The following CAMTA1 variants were observed in gnomAD, a reference collection of about 807,000 sequenced individuals.
CAMTA1 encodes the protein calmodulin-binding transcription activator 1.
A neutral mutation model predicts 170.9 loss-of-function variants in CAMTA1; 27 were observed. The ratio of observed to expected loss-of-function variants is 0.16; its 90% CI spans 0.12 to 0.22. The LOEUF (loss-of-function observed/expected upper bound fraction) is 0.22. Among genes scored for constraint, CAMTA1 ranks in the 10% least tolerant of loss-of-function variants. The pLI, the probability that CAMTA1 is intolerant of heterozygous loss-of-function variation, is 1.00. For synonymous variants in CAMTA1, 833 were observed against 891.5 expected (o/e 0.93, Z 1.17); for missense variants, 1,619 against 2,217.2 (o/e 0.73, Z 5.42).
chr1:7,552,467 G>A (rs1333550476), intron 6 of CAMTA1, among the ~76,000 whole-genome samples: 2 of 152,228 alleles, frequency 1.3e-5, no homozygotes, highest in Non-Finnish European at 2.9e-5. Flanking sequence ...TTGTGAAACA[G>A]CATTCAGCAG....
At chr1:6,893,226 A>G (rs1245361709) in intron 3 of CAMTA1, among the ~76,000 whole-genome samples, 2 of 151,980 alleles carry the variant, frequency 1.3e-5, no homozygotes, top group African/African-American at 4.8e-5. Context: ...GCGTCATTGC[A>G]CTCCAGCCTG....
chr1:7,061,250 G>A (rs1343703238), intron 3 of CAMTA1, among the ~76,000 whole-genome samples: 4 of 152,240 alleles, frequency 2.6e-5, no homozygotes, highest in African/African-American at 4.8e-5. Context: ...ACTGAGACCC[G>A]GTCCTGCCCG....
At position 7,067,570 on chromosome 1, in the gene CAMTA1, C is replaced by T. The variant is rs1404884713; in HGVS notation, c.235-23734C>T. Among the ~76,000 whole-genome samples the T allele has an allele frequency of 6.6e-6, 1 of 152,152 alleles. No homozygotes were observed. Among genetic ancestry groups the T allele is most frequent in the Non-Finnish European group, 1.5e-5 (1 of 68,034 alleles). On this transcript the variant is annotated intron_variant, in intron 3 of 22. Transcript: ENST00000303635. This position sits in a 1 kb window ranked among gnomAD's most constrained non-coding sequence, Gnocchi z 4.3. Reference sequence around the variant, plus strand: ...TGCATGCTGGGAACCATGTTCCTTGCAAGGCATACGGCAAAGAACAAGGTA... The same window carrying T: ...TGCATGCTGGGAACCATGTTCCTTGTAAGGCATACGGCAAAGAACAAGGTA...
At chr1:7,241,165 T>C (rs1664797522) in intron 4 of CAMTA1, among the ~76,000 whole-genome samples, 1 of 152,162 alleles carries the variant, frequency 6.6e-6, no homozygotes, top group South Asian at 2.1e-4. Context: ...AATCCAAAAA[T>C]AAATTGAGAA....
intron 6 of CAMTA1, among the ~76,000 whole-genome samples, chr1:7,516,105 C>T (rs1478344384): frequency 2.0e-5 from 3 of 152,248 alleles, no homozygotes; most frequent in African/African-American, 7.2e-5. Context: ...ATCAGCAAGC[C>T]TCCCAGCCGG....
chr1:7,756,745 G>C (rs1036640866), intron 22 of CAMTA1, among the ~76,000 whole-genome samples: 18 of 152,136 alleles, frequency 1.2e-4, no homozygotes, highest in Admixed American at 2.6e-4. Flanking sequence ...CTACTCCGGA[G>C]ACTGAGGTGG....
At chr1:7,442,228 A>C (rs17030881) in intron 5 of CAMTA1, among the ~76,000 whole-genome samples, 6,720 of 152,252 alleles carry the variant, frequency 0.044, 410 homozygotes, top group African/African-American at 0.13. Context: ...TGTGATGAGA[A>C]CTACTGTCAT....
chr1:6,966,722 T>TGCCTCA (rs1280114857), intron 3 of CAMTA1, among the ~76,000 whole-genome samples: 1 of 151,084 alleles, frequency 6.6e-6, no homozygotes, highest in Non-Finnish European at 1.5e-5. Flanking sequence ...GCAATTCTCC[T>TGCCTCA]GCCTCAGCCT....
chr1:7,568,837 TCATCATCATCACCA>T (rs1331471179), intron 6 of CAMTA1, among the ~76,000 whole-genome samples: 1 of 146,400 alleles, frequency 6.8e-6, no homozygotes, highest in Non-Finnish European at 1.5e-5. Flanking sequence ...CAAATCACCA[TCATCATCATCACCA>T]CATCATCATC....
rs990749499 is a variant in CAMTA1, at chr1:7,715,072, A to G, written c.2915-17376A>G. On this transcript the variant is annotated intron_variant, in intron 11 of 22. Coordinates refer to ENST00000303635, the MANE Select transcript of CAMTA1 (RefSeq NM_015215.4). Reference sequence around the variant, plus strand: ...CTTGTCTGTAACATCATGAGTCCTGATTTTGCCTGATCTGCTATTAATCAC... The same window carrying G: ...CTTGTCTGTAACATCATGAGTCCTGGTTTTGCCTGATCTGCTATTAATCAC... Among the ~76,000 whole-genome samples the G allele has an allele frequency of 4.6e-5, 7 of 152,018 alleles. No individual in the cohort carries two copies. In the South Asian group the frequency reaches 6.2e-4, roughly 13 times the overall value.
intron 3 of CAMTA1, among the ~76,000 whole-genome samples, chr1:6,841,149 T>G (rs79592510): frequency 0.08 from 12,152 of 152,246 alleles, 730 homozygotes; most frequent in East Asian, 0.26. Context: ...CCTGCTCTCT[T>G]CTCATTCACT....
intron 4 of CAMTA1, among the ~76,000 whole-genome samples, chr1:7,096,284 G>A (rs573010840): frequency 4.6e-5 from 7 of 152,146 alleles, no homozygotes; most frequent in African/African-American, 1.7e-4. Flanking sequence ...CGTCCATTCC[G>A]GCTTCAAATG....
chr1:7,117,105 G>A (rs541730162), intron 4 of CAMTA1, among the ~76,000 whole-genome samples: 1 of 151,944 alleles, frequency 6.6e-6, no homozygotes, highest in Non-Finnish European at 1.5e-5. Context: ...CAAGTAGCTG[G>A]GATTACAGGC....
At chr1:7,221,928 T>TACACACACAC (rs61354001) in intron 4 of CAMTA1, among the ~76,000 whole-genome samples, 37 of 124,276 alleles carry the variant, frequency 3.0e-4, no homozygotes, top group African/African-American at 9.1e-4. Flanking sequence ...CACACACACA[T>TACACACACAC]ACACACACAC....
chr1:7,312,344 T>C (rs11120897), intron 5 of CAMTA1, among the ~76,000 whole-genome samples: 41,428 of 151,910 alleles, frequency 0.27, 5,938 homozygotes, highest in Middle Eastern at 0.44. Context: ...TCTGCTCTCT[T>C]TGAGTGTCCA....
chr1:7,213,655 C>A (rs1207297890), intron 4 of CAMTA1, among the ~76,000 whole-genome samples: 1 of 151,430 alleles, frequency 6.6e-6, no homozygotes, highest in East Asian at 1.9e-4. Context: ...ATATGCACAA[C>A]GTGCAGGTTA....
chr1:7,577,904 C>A (rs1014798981), intron 6 of CAMTA1, among the ~76,000 whole-genome samples: 2 of 152,242 alleles, frequency 1.3e-5, no homozygotes, highest in Non-Finnish European at 2.9e-5. Flanking sequence ...CAACCCCTGG[C>A]CTAGATCATC....
intron 3 of CAMTA1, among the ~76,000 whole-genome samples, chr1:7,046,316 G>A (rs1705367748): frequency 6.6e-6 from 1 of 152,152 alleles, no homozygotes; most frequent in Non-Finnish European, 1.5e-5. Context: ...CATTTTTCTG[G>A]CTGGCTTGGT....
In CAMTA1 at chr1:6,982,588, G is replaced by A. The variant is rs538406915; in HGVS notation, c.235-108716G>A. Among the ~76,000 whole-genome samples the A allele has an allele frequency of 4.6e-5, 7 of 152,314 alleles. No homozygotes were observed. In the East Asian group the frequency reaches 1.2e-3, roughly 25 times the overall value. Reference sequence around the variant, plus strand: ...CGGGAGGCCCTTAGCTACTTCTTAAGTGTCCCAAGTACTTGTCTCATGATC... The same window carrying A: ...CGGGAGGCCCTTAGCTACTTCTTAAATGTCCCAAGTACTTGTCTCATGATC... On this transcript the variant is annotated intron_variant, in intron 3 of 22. Coordinates refer to ENST00000303635, the MANE Select transcript of CAMTA1 (RefSeq NM_015215.4).
Sources: gnomAD v4.1 joint callset for allele counts (sites outside exome capture counted in the v4.1 genomes callset) on GRCh38, gnomAD v4.1.1 for gene constraint, Gnocchi (gnomAD v3.1) non-coding constraint, MANE v1.5 for transcripts, NCBI Gene and HGNC (gene_info 2026-07-23, HGNC 2026-07-21) for gene names.